VAV1: variants seen among roughly 807,000 people sequenced by gnomAD.
VAV1 encodes the protein vav guanine nucleotide exchange factor 1, also known as proto-oncogene vav.
In VAV1, 33 loss-of-function variants were observed where a neutral mutation model predicts 128.1. The observed-to-expected ratio is 0.26, with a 90% CI of 0.20 to 0.34. VAV1 has a LOEUF of 0.34. VAV1 is among the 10% of genes least tolerant of loss of function. VAV1 has a pLI of 1.00. For missense variants in VAV1, 715 were observed against 1,093.7 expected, an observed-to-expected ratio of 0.65 and a Z score of 4.88; for synonymous variants, 394 against 409.8, an observed-to-expected ratio of 0.96 and a Z score of 0.47.
intron 24 of VAV1, 107 bp from the exon 25 acceptor site, chr19:6,852,858 G>T (rs1052550260): frequency 8.4e-6 from 7 of 836,236 alleles, no homozygotes; most frequent in Admixed American, 7.4e-5. Flanking sequence ...AAAGAGGCCA[G>T]AAACAGGGCC....
intron 22 of VAV1, among the ~76,000 whole-genome samples, chr19:6,844,392 T>A (rs1972464292): frequency 1.3e-5 from 2 of 152,084 alleles, no homozygotes; most frequent in South Asian, 4.1e-4. Flanking sequence ...ATTTTTTATA[T>A]TTTCAGTAAA....
In VAV1 at chr19:6,833,280, G is replaced by C. The variant is rs1312744423; in HGVS notation, c.1605G>C (p.Leu535=). The C allele has an allele frequency of 3.1e-6, 5 of 1,609,546 alleles. No individual in the cohort carries two copies. In the African/African-American group the frequency reaches 6.7e-5, roughly 22 times the overall value. ...CATCCTGCAAGGCCTGTCAGATGCT[G>C]CTTAGGTGAGAATCTGGGAGGAGGG... The part of the protein sequence containing the change: ...ETTSCKACQM[L]LRGTFYQGYR... The change falls in exon 16 of 27, where the codon CTG becomes CTC. Residue 535 remains leucine, a synonymous_variant. Transcript: ENST00000602142.
Position 6,832,659 on chromosome 19 carries a change from CTCCTCCTCCTCT to C in VAV1, c.1508+468_1508+479del, listed in dbSNP as rs1397709905. Among the ~76,000 whole-genome samples the C allele has an allele frequency of 1.1e-4, 14 of 126,036 alleles. 1 individual carries two copies. Among genetic ancestry groups the C allele is most frequent in the African/African-American group, 2.9e-4 (10 of 34,902 alleles). 82.7% of individuals were successfully genotyped at this position (126,036 alleles called of 152,430 possible). A position where few individuals can be genotyped will look rare whatever the true frequency, so the allele number is the denominator to read the frequency against. ...CCTCCCTTTCCTCCCCTTCTTCCTC[CTCCTCCTCCTCT>C]TCCTCCTCTTCTTTCTCTTCCTCCT... On this transcript the variant is annotated intron_variant, in intron 15 of 26. Coordinates refer to ENST00000602142, the MANE Select transcript of VAV1 (RefSeq NM_005428.4).
intron 1 of VAV1, among the ~76,000 whole-genome samples, chr19:6,814,676 CTTTCTTTCTTTCTTT>C (rs1568299230): frequency 1.0e-4 from 10 of 97,350 alleles, no homozygotes; most frequent in African/African-American, 4.6e-4. Flanking sequence ...TCCTTCCTTT[CTTTCTTTCTTTCTTT>C]CTTTCTTTCT....
At chr19:6,841,478 C>CTTTTTTT (rs35484934) in intron 21 of VAV1, among the ~76,000 whole-genome samples, 1 of 135,628 alleles carries the variant, frequency 7.4e-6, no homozygotes, top group East Asian at 2.1e-4. Flanking sequence ...TTTTTCTTTT[C>CTTTTTTT]TTTTTTTTTT....
intron 1 of VAV1, among the ~76,000 whole-genome samples, chr19:6,778,985 T>C (rs1970703873): frequency 6.8e-6 from 1 of 147,908 alleles, no homozygotes; most frequent in African/African-American, 2.6e-5. Flanking sequence ...CAAGCAGTCC[T>C]CCTGCCTCAG....
At chr19:6,848,159 C>T in intron 23 of VAV1, 45 bp downstream of exon 23, 1 of 1,497,552 alleles carries the variant, frequency 6.7e-7, no homozygotes, top group African/African-American at 1.5e-5. Context: ...GGCCTGGGCC[C>T]TGCGGGCCTG....
chr19:6,840,367 G>A (rs546696913), intron 21 of VAV1, among the ~76,000 whole-genome samples: 15 of 149,374 alleles, frequency 1.0e-4, no homozygotes, highest in Admixed American at 6.1e-4. Context: ...GAGCAGTGGC[G>A]CAATCTTGGC....
intron 1 of VAV1, among the ~76,000 whole-genome samples, chr19:6,806,168 C>A (rs1213137902): frequency 2.6e-5 from 4 of 152,156 alleles, no homozygotes; most frequent in Non-Finnish European, 5.9e-5. Flanking sequence ...CTCACTGCAA[C>A]CTCCGCCACC....
At chr19:6,778,393 T>G (rs1012614285) in intron 1 of VAV1, among the ~76,000 whole-genome samples, 13 of 152,174 alleles carry the variant, frequency 8.5e-5, no homozygotes, top group Admixed American at 4.6e-4. Flanking sequence ...CAAGATGATG[T>G]TAAGTTCCCC....
intron 1 of VAV1, among the ~76,000 whole-genome samples, chr19:6,815,894 A>G (rs1200928627): frequency 6.6e-6 from 1 of 152,212 alleles, no homozygotes; most frequent in Non-Finnish European, 1.5e-5. Flanking sequence ...GCTGTGGTCA[A>G]GAAAGTGGGC....
At chr19:6,816,825 G>A (rs1296961880) in intron 1 of VAV1, among the ~76,000 whole-genome samples, 1 of 151,760 alleles carries the variant, frequency 6.6e-6, no homozygotes, top group African/African-American at 2.4e-5. Context: ...TCAGCTGGAC[G>A]TGGTGGCACA....
intron 3 of VAV1, 21 bp from the exon 4 acceptor site, chr19:6,821,770 C>G: frequency 6.2e-7 from 1 of 1,613,954 alleles, no homozygotes; most frequent in Non-Finnish European, 8.5e-7. Context: ...GCCCCTGGCT[C>G]ACACCCTCCT....
chr19:6,837,135 C>T lies in VAV1; in HGVS notation c.1980+85C>T, dbSNP rs558607305. The T allele has an allele frequency of 3.5e-5, 50 of 1,428,390 alleles. No individual in the cohort carries two copies. The East Asian group carries it at 4.1e-4, about 12-fold the overall frequency. The allele number at this position is 1,428,390 out of a possible 1,614,324, so 88.5% of individuals were successfully genotyped here. ...ATGGACAGACTTGGAAAGACACCCC[C>T]GGAGTTGGGGAGGGGGCTGCCCATC... On this transcript the variant is annotated intron_variant, in intron 21 of 26. Coordinates refer to ENST00000602142, the MANE Select transcript of VAV1 (RefSeq NM_005428.4).
intron 1 of VAV1, among the ~76,000 whole-genome samples, chr19:6,790,403 T>G (rs147170322): frequency 8.8e-4 from 134 of 152,300 alleles, no homozygotes; most frequent in African/African-American, 3.1e-3. Context: ...ATCGGATGTC[T>G]TAGAACAAAG....
intron 1 of VAV1, among the ~76,000 whole-genome samples, chr19:6,805,539 C>T (rs1210829443): frequency 3.4e-5 from 5 of 149,172 alleles, no homozygotes; most frequent in East Asian, 2.0e-4. Flanking sequence ...CCCAGGGGTT[C>T]GAGACCAGCC....
chr19:6,850,646 G>A lies in VAV1; in HGVS notation c.2130-24G>A, dbSNP rs756731520. 48 of 1,609,762 alleles carry A rather than the reference G, an allele frequency of 3.0e-5. No individual in the cohort carries two copies. The South Asian group carries it at 4.6e-4, about 15-fold the overall frequency. ...GAATGGGCCTGGTCCCCAGACTCAG[G>A]GCCCGGTGACCATCTGGTTCCAGAT... On this transcript the variant is annotated intron_variant, in intron 23 of 26. Coordinates refer to ENST00000602142, the MANE Select transcript of VAV1 (RefSeq NM_005428.4).
At chr19:6,776,154 A>G (rs968012860) in intron 1 of VAV1, among the ~76,000 whole-genome samples, 4 of 53,432 alleles carry the variant, frequency 7.5e-5, no homozygotes, top group Admixed American at 6.9e-4. Flanking sequence ...CTGCTCATCT[A>G]TCCACCCATC....
chr19:6,849,441 C>T (rs1972611701), intron 23 of VAV1, among the ~76,000 whole-genome samples: 1 of 144,160 alleles, frequency 6.9e-6, no homozygotes, highest in Admixed American at 7.2e-5. Flanking sequence ...AGGTGCACGT[C>T]ACCATGCCTG....
Sources: allele counts gnomAD v4.1 joint callset (sites outside exome capture counted in the v4.1 genomes callset), GRCh38; gene constraint gnomAD v4.1.1; transcripts MANE v1.5; gene names NCBI Gene and HGNC (gene_info 2026-07-23, HGNC 2026-07-21).